RCC2: variants seen among roughly 807,000 people sequenced by gnomAD.
RCC2 encodes protein RCC2.
Under a neutral mutation model 64.1 loss-of-function variants are expected in RCC2, and 19 were observed. The observed-to-expected ratio is 0.30, with a 90% confidence interval of 0.21 to 0.44. RCC2 has a LOEUF of 0.44. Among genes scored for constraint, RCC2 ranks in the 20% least tolerant of loss-of-function variants. The pLI is 1.00. For missense variants in RCC2, 508 were observed against 710.4 expected (o/e 0.72, Z 3.24); for synonymous variants, 325 against 279.6 (o/e 1.16, Z -1.62).
intron 9 of RCC2, 37 bp from the exon 10 acceptor site, chr1:17,413,215 A>G: frequency 7.0e-7 from 1 of 1,423,368 alleles, no homozygotes; most frequent in Non-Finnish European, 9.9e-7. Context: ...GCGTGACCAG[A>G]CATCGAGAGC....
intron 2 of RCC2, among the ~76,000 whole-genome samples, chr1:17,431,828 T>C (rs376439203): frequency 6.6e-6 from 1 of 151,772 alleles, no homozygotes; most frequent in Non-Finnish European, 1.5e-5. Context: ...CCAGCCGCGG[T>C]AGCTCATGGC....
intron 4 of RCC2, among the ~76,000 whole-genome samples, chr1:17,423,185 G>T (rs1192158503): frequency 6.6e-6 from 1 of 152,180 alleles, no homozygotes; most frequent in African/African-American, 2.4e-5. Flanking sequence ...TAGAGTGCCT[G>T]CAAGACAACC....
chr1:17,414,346 A>G (rs1054508122), intron 8 of RCC2, among the ~76,000 whole-genome samples: 1 of 152,048 alleles, frequency 6.6e-6, no homozygotes, highest in Non-Finnish European at 1.5e-5. Flanking sequence ...CCTGGGCAAC[A>G]TGGTGAAACC....
At chr1:17,421,257 G>C (rs963723272) in intron 6 of RCC2, among the ~76,000 whole-genome samples, 3 of 151,946 alleles carry the variant, frequency 2.0e-5, no homozygotes, top group Admixed American at 1.3e-4. Flanking sequence ...AGCACTTTGG[G>C]AGGCCGAGGC....
At chr1:17,417,396 G>A (rs1054918036) in intron 7 of RCC2, among the ~76,000 whole-genome samples, 3 of 152,236 alleles carry the variant, frequency 2.0e-5, no homozygotes, top group African/African-American at 4.8e-5. Flanking sequence ...GGTTGGGCAC[G>A]GTGGGCCACG....
At position 17,408,703 on chromosome 1, in the gene RCC2, T is replaced by C. The variant is rs890796852; in HGVS notation, c.*387A>G. The C allele has an allele frequency of 6.9e-5, 12 of 172,950 alleles. No homozygotes were observed. The highest frequency in any genetic ancestry group is 1.3e-4 in the Non-Finnish European group (11 of 81,854). The allele number at this position is 172,950 out of a possible 1,614,324, so 10.7% of individuals were successfully genotyped here. ...AGTAAATGGCGATTCCTCTTCCATG[T>C]GGCATCTGCTTGGATCACGATGCTA... On this transcript the variant is annotated 3_prime_UTR_variant, in exon 13 of 13. Transcript: ENST00000375436.
At chr1:17,431,089 T>C (rs566690800) in intron 2 of RCC2, among the ~76,000 whole-genome samples, 1 of 151,126 alleles carries the variant, frequency 6.6e-6, no homozygotes, top group South Asian at 2.1e-4. Context: ...TCCCAGCACT[T>C]TGGGACGCTG....
chr1:17,428,496 G>C (rs1029096062), intron 3 of RCC2, among the ~76,000 whole-genome samples: 13 of 152,214 alleles, frequency 8.5e-5, no homozygotes, highest in Non-Finnish European at 8.8e-5. Context: ...AAGCACTTTG[G>C]GAGTCTTTCC....
Position 17,437,690 on chromosome 1 carries a change from TC to T in RCC2, c.285+539del, listed in dbSNP as rs1046092422. ...CTCTGCGGAGCATGCGCGGCGGCCG[TC>T]AGGCCCCGCCCCCCCCGGGCGCCGG... is the stretch of plus-strand genomic sequence containing the variant. On this transcript the variant is annotated intron_variant, in intron 2 of 12. Coordinates refer to ENST00000375436, the MANE Select transcript of RCC2 (RefSeq NM_018715.4). Among the ~76,000 whole-genome samples, 4 of 1,654 alleles carry T rather than the reference TC, an allele frequency of 2.4e-3. No homozygotes were observed. In the Admixed American group the frequency reaches 0.025, roughly 10 times the overall value. The allele number at this position is 1,654 out of a possible 152,430, so 1.1% of individuals were successfully genotyped here. A position where few individuals can be genotyped will look rare whatever the true frequency, so the allele number is the denominator to read the frequency against.
intron 8 of RCC2, among the ~76,000 whole-genome samples, chr1:17,415,714 A>T (rs1470065949): frequency 6.2e-5 from 9 of 144,372 alleles, no homozygotes; most frequent in African/African-American, 2.3e-4. Flanking sequence ...CGCCTCAAAT[A>T]AAAAAAAAAA....
chr1:17,438,964 C>T (rs1217475918), intron 1 of RCC2, among the ~76,000 whole-genome samples: 3 of 151,546 alleles, frequency 2.0e-5, no homozygotes, highest in African/African-American at 4.9e-5. Flanking sequence ...CCGGCTACCC[C>T]ACCTGCTGCT....
rs1262372918 is a variant in RCC2, at chr1:17,412,273, T to C, written c.1314-79A>G. ...CGCAGCTATGGCTCAAGGGCATGAG[T>C]GTGAGCTGCCACTTTTCCCTTGGCG... On this transcript the variant is annotated intron_variant, in intron 10 of 12. Transcript: ENST00000375436. The C allele has an allele frequency of 3.0e-6, 4 of 1,327,124 alleles. No individual in the cohort carries two copies. In the East Asian group the frequency reaches 9.3e-5, roughly 31 times the overall value. 82.2% of individuals were successfully genotyped at this position (1,327,124 alleles called of 1,614,324 possible). A position where few individuals can be genotyped will look rare whatever the true frequency, so the allele number is the denominator to read the frequency against.
chr1:17,414,262 G>A (rs1386847338), intron 8 of RCC2, among the ~76,000 whole-genome samples: 1 of 152,052 alleles, frequency 6.6e-6, no homozygotes, highest in South Asian at 2.1e-4. Context: ...AGATGCAGTG[G>A]CTCATGCCTG....
chr1:17,431,191 G>A (rs577537837), intron 2 of RCC2, among the ~76,000 whole-genome samples: 70 of 149,532 alleles, frequency 4.7e-4, no homozygotes, highest in African/African-American at 1.6e-3. Context: ...AAAATTAGCC[G>A]GGCATGGTGA....
chr1:17,438,044 C>T (rs1028314098), intron 2 of RCC2, among the ~76,000 whole-genome samples, 186 bp downstream of exon 2: 44 of 146,946 alleles, frequency 3.0e-4, no homozygotes, highest in African/African-American at 1.1e-3. Context: ...GGGCCGCGCG[C>T]CCCGTACCGA....
chr1:17,418,574 T>C (rs2075516589), intron 7 of RCC2, among the ~76,000 whole-genome samples: 1 of 152,004 alleles, frequency 6.6e-6, no homozygotes, highest in African/African-American at 2.4e-5. Context: ...GGAGAATCGC[T>C]TGAACCCGGG....
At position 17,438,526 on chromosome 1, in the gene RCC2, G is replaced by C; in HGVS notation, c.-8-4C>G. 7.5e-7 allele frequency: 1 copy of C among 1,330,696 alleles called. No homozygotes were observed. Among genetic ancestry groups the C allele is most frequent in the Non-Finnish European group, 9.6e-7 (1 of 1,042,318 alleles). The allele number at this position is 1,330,696 out of a possible 1,614,324, so 82.4% of individuals were successfully genotyped here. A position where few individuals can be genotyped will look rare whatever the true frequency, so the allele number is the denominator to read the frequency against. On this transcript the variant is annotated splice_region_variant and splice_polypyrimidine_tract_variant and intron_variant, in intron 1 of 12. Transcript: ENST00000375436. ...TTCTTCCTGGGCATGGTCGCGGCTG[G>C]AGGGAGACACGGGGCAGCGGCGCAC...
chr1:17,431,347 A>AT, intron 2 of RCC2, among the ~76,000 whole-genome samples: 1 of 53,038 alleles, frequency 1.9e-5, no homozygotes, highest in Admixed American at 2.5e-4. Flanking sequence ...AAAAAAAAAA[A>AT]AAAAAAAAAA....
In RCC2 at chr1:17,438,506, C is replaced by T. The variant is rs900802401; in HGVS notation, c.9G>A (p.Arg3=). 3 of 1,345,550 alleles carry T rather than the reference C, an allele frequency of 2.2e-6. No homozygotes were observed. The highest frequency in any genetic ancestry group is 2.8e-5 in the East Asian group (1 of 35,882). The allele number at this position is 1,345,550 out of a possible 1,614,324, so 83.4% of individuals were successfully genotyped here. MP[R]KKAAAAAWEE... is the part of the protein sequence containing the mutation. ...CCCAGGCCGCCGCCGCCGCCTTCTT[C>T]CTGGGCATGGTCGCGGCTGGAGGGA... The change falls in exon 2 of 13, where the codon AGG becomes AGA. Residue 3 remains arginine, a synonymous_variant. Transcript: ENST00000375436.
Sources: allele counts gnomAD v4.1 joint callset (sites outside exome capture counted in the v4.1 genomes callset), GRCh38; gene constraint gnomAD v4.1.1; transcripts MANE v1.5; gene names NCBI Gene and HGNC (gene_info 2026-07-23, HGNC 2026-07-21).